Variants in CEP112 observed in about 807,000 individuals in gnomAD.
The protein encoded by CEP112 is centrosomal protein of 112 kDa.
In CEP112, 127 loss-of-function variants were observed where a neutral mutation model predicts 153.0. The observed-to-expected ratio is 0.83, with a 90% CI of 0.72 to 0.96. The LOEUF (loss-of-function observed/expected upper bound fraction) is 0.96. CEP112 is among the 40% of genes least tolerant of loss of function. The pLI is 0.00. For synonymous variants in CEP112, 358 were observed against 374.4 expected, an observed-to-expected ratio of 0.96 and a Z score of 0.51; for missense variants, 1,089 against 1,101.2, an observed-to-expected ratio of 0.99 and a Z score of 0.16.
chr17:65,970,577 T>C (rs1246248151), intron 17 of CEP112, among the ~76,000 whole-genome samples: 2 of 152,040 alleles, frequency 1.3e-5, no homozygotes, highest in African/African-American at 2.4e-5. Context: ...TACATGCAAA[T>C]TGCGTGCATT....
intron 18 of CEP112, among the ~76,000 whole-genome samples, chr17:65,940,679 A>G (rs981554545): frequency 2.0e-5 from 3 of 152,174 alleles, no homozygotes; most frequent in African/African-American, 7.2e-5. Context: ...GGTAGAATCT[A>G]AAAAAGTTGA....
intron 21 of CEP112, among the ~76,000 whole-genome samples, chr17:65,837,811 CAT>C (rs1483947888): frequency 6.6e-6 from 1 of 152,228 alleles, no homozygotes; most frequent in African/African-American, 2.4e-5. Flanking sequence ...CTCTCTGAAA[CAT>C]GTGCTGTGTC....
chr17:66,023,465 A>G (rs1193422899), intron 16 of CEP112, among the ~76,000 whole-genome samples: 3 of 152,218 alleles, frequency 2.0e-5, no homozygotes, highest in African/African-American at 7.2e-5. Flanking sequence ...ATATCCTGAC[A>G]TAACAAGCTT....
intron 17 of CEP112, among the ~76,000 whole-genome samples, chr17:65,969,701 C>T (rs563601492): frequency 8.5e-5 from 13 of 152,266 alleles, no homozygotes; most frequent in East Asian, 1.9e-4. Context: ...GCATATTACA[C>T]GCATACAGGA....
intron 5 of CEP112, among the ~76,000 whole-genome samples, chr17:66,130,698 C>A (rs934727417): frequency 6.7e-6 from 1 of 149,974 alleles, no homozygotes; most frequent in Non-Finnish European, 1.5e-5. Context: ...ATGGTGTGAA[C>A]CCGGGAGGTG....
rs1266574259 is a variant in CEP112 at position 65,661,060 on chromosome 17, A to G, written c.2698-19995T>C. ...ATGGATCATCTAAGAACCTTCTCAT[A>G]TGGTCTTAGACTAATTTTCCAGGAC... is the stretch of plus-strand genomic sequence containing the variant. On this transcript the variant is annotated intron_variant, in intron 24 of 26. Transcript: ENST00000535342. 5.3e-5 allele frequency among the ~76,000 whole-genome samples: 8 copies of G among 152,184 alleles called. No homozygotes were observed. The East Asian group carries it at 1.5e-3, about 29-fold the overall frequency.
intron 19 of CEP112, among the ~76,000 whole-genome samples, chr17:65,918,871 C>T (rs1380711117): frequency 1.3e-5 from 2 of 152,166 alleles, no homozygotes; most frequent in South Asian, 2.1e-4. Flanking sequence ...AATACTACTT[C>T]GCTGTTTTCA....
At chr17:65,908,450 CTT>C (rs963495410) in intron 19 of CEP112, among the ~76,000 whole-genome samples, 5 of 152,064 alleles carry the variant, frequency 3.3e-5, no homozygotes, top group Non-Finnish European at 5.9e-5. Flanking sequence ...AATCCCAACA[CTT>C]TGGGAGGCTG....
At chr17:65,659,627 C>A (rs2046246177) in intron 24 of CEP112, among the ~76,000 whole-genome samples, 1 of 152,240 alleles carries the variant, frequency 6.6e-6, no homozygotes, top group Non-Finnish European at 1.5e-5. Flanking sequence ...ATTGTAAACA[C>A]TGACTCCATT....
chr17:66,090,653 C>T (rs1417423300), intron 8 of CEP112, among the ~76,000 whole-genome samples: 1 of 151,890 alleles, frequency 6.6e-6, no homozygotes, highest in East Asian at 1.9e-4. Flanking sequence ...TATAAAACAA[C>T]CAGAAAACAA....
intron 20 of CEP112, among the ~76,000 whole-genome samples, chr17:65,871,597 T>C (rs2058672538): frequency 6.6e-6 from 1 of 152,184 alleles, no homozygotes; most frequent in Admixed American, 6.5e-5. Flanking sequence ...ATCGCACCAC[T>C]GCACTCCAGC....
chr17:65,761,753 A>C (rs1006475025), intron 21 of CEP112, among the ~76,000 whole-genome samples: 2 of 152,090 alleles, frequency 1.3e-5, no homozygotes, highest in Non-Finnish European at 2.9e-5. Context: ...GTCTGAGATC[A>C]GATATTGTAT....
At chr17:65,799,273 T>C (rs2055118630) in intron 21 of CEP112, among the ~76,000 whole-genome samples, 1 of 152,194 alleles carries the variant, frequency 6.6e-6, no homozygotes, top group Non-Finnish European at 1.5e-5. Flanking sequence ...CACTTTCCTC[T>C]TGACAGCTTA....
At chr17:66,174,550 C>A (rs963199985) in intron 4 of CEP112, among the ~76,000 whole-genome samples, 3 of 152,054 alleles carry the variant, frequency 2.0e-5, no homozygotes, top group Non-Finnish European at 2.9e-5. Context: ...TAAATCTATC[C>A]CTTCCCTAAA....
chr17:65,755,359 T>A (rs1284342921), intron 21 of CEP112, among the ~76,000 whole-genome samples: 1 of 152,248 alleles, frequency 6.6e-6, no homozygotes, highest in South Asian at 2.1e-4. Context: ...CTCACTGTTA[T>A]AAGAACAGCA....
At chr17:65,864,402 C>T (rs1392992866) in intron 20 of CEP112, among the ~76,000 whole-genome samples, 1 of 152,144 alleles carries the variant, frequency 6.6e-6, no homozygotes, top group Non-Finnish European at 1.5e-5. Context: ...TCAAGAGAAG[C>T]AGTCCAAGCT....
At chr17:65,967,218 G>A (rs1229567559) in intron 17 of CEP112, among the ~76,000 whole-genome samples, 2 of 152,192 alleles carry the variant, frequency 1.3e-5, no homozygotes, top group Non-Finnish European at 2.9e-5. Context: ...ATGCCTGTTG[G>A]TTGAAGCATG....
intron 23 of CEP112, among the ~76,000 whole-genome samples, chr17:65,719,893 A>C (rs1360761888): frequency 1.3e-5 from 2 of 152,206 alleles, no homozygotes; most frequent in African/African-American, 4.8e-5. Context: ...GGACCCAGTG[A>C]AGAAAGATCA....
At chr17:65,706,377 G>A (rs1434172383) in intron 23 of CEP112, among the ~76,000 whole-genome samples, 1 of 152,168 alleles carries the variant, frequency 6.6e-6, no homozygotes, top group African/African-American at 2.4e-5. Flanking sequence ...AGCAGGACCT[G>A]GAATATGTGA....
Sources: allele counts gnomAD v4.1 joint callset (sites outside exome capture counted in the v4.1 genomes callset), GRCh38; gene constraint gnomAD v4.1.1; transcripts MANE v1.5; gene names NCBI Gene and HGNC (gene_info 2026-07-23, HGNC 2026-07-21).